RAB2A: variants seen among roughly 807,000 people sequenced by gnomAD.
RAB2A encodes ras-related protein Rab-2A.
In RAB2A, 7 loss-of-function variants were observed where a neutral mutation model predicts 32.5. That is an observed-to-expected ratio of 0.22 (90% CI 0.12 to 0.40). The LOEUF (loss-of-function observed/expected upper bound fraction) is 0.40, where lower values mean the gene tolerates loss of function less well. RAB2A is among the 10% of genes least tolerant of loss of function. The pLI is 1.00. For missense variants in RAB2A, 108 were observed against 260.7 expected (o/e 0.41, Z 4.03); for synonymous variants, 79 against 85.2 (o/e 0.93, Z 0.40).
chr8:60,578,488 G>T (rs971547145), intron 3 of RAB2A, among the ~76,000 whole-genome samples: 2 of 152,146 alleles, frequency 1.3e-5, no homozygotes, highest in Non-Finnish European at 1.5e-5. Context: ...TTCAGGCAAG[G>T]AGTTAAGCAG....
intron 1 of RAB2A, among the ~76,000 whole-genome samples, chr8:60,545,392 C>G (rs1807712258): frequency 6.6e-6 from 1 of 152,114 alleles, no homozygotes. Flanking sequence ...CTCCTGAACT[C>G]AGGTGATCCT....
At chr8:60,591,252 A>G (rs1031727754) in intron 5 of RAB2A, among the ~76,000 whole-genome samples, 6 of 151,606 alleles carry the variant, frequency 4.0e-5, no homozygotes, top group Admixed American at 2.0e-4. Context: ...GGAAATTTCT[A>G]GCTTACACTT....
chr8:60,541,101 T>G (rs530886635), intron 1 of RAB2A, among the ~76,000 whole-genome samples: 6 of 152,298 alleles, frequency 3.9e-5, no homozygotes, highest in South Asian at 2.1e-4. Context: ...ACCCTTGATA[T>G]GATGTGATGA....
intron 6 of RAB2A, among the ~76,000 whole-genome samples, chr8:60,592,898 C>T (rs1401802515): frequency 6.6e-6 from 1 of 152,082 alleles, no homozygotes; most frequent in Non-Finnish European, 1.5e-5. Context: ...ATAAGAACAG[C>T]TTATAAGAGC....
chr8:60,594,276 C>T (rs1803987727), intron 6 of RAB2A, among the ~76,000 whole-genome samples: 1 of 152,094 alleles, frequency 6.6e-6, no homozygotes, highest in Non-Finnish European at 1.5e-5. Context: ...AGATTGAAGA[C>T]AGCCCCAAAG....
At chr8:60,602,293 A>C (rs1804147392) in intron 6 of RAB2A, among the ~76,000 whole-genome samples, 2 of 152,154 alleles carry the variant, frequency 1.3e-5, no homozygotes, top group Non-Finnish European at 2.9e-5. Flanking sequence ...CTTATATCCC[A>C]TTTGTTGAGC....
intron 2 of RAB2A, among the ~76,000 whole-genome samples, chr8:60,564,299 G>T (rs910922754): frequency 1.3e-5 from 2 of 152,126 alleles, no homozygotes; most frequent in Non-Finnish European, 2.9e-5. Flanking sequence ...CTTTCCCTTG[G>T]TGCTGTGGGT....
At chr8:60,610,319 A>G (rs1804320876) in intron 6 of RAB2A, among the ~76,000 whole-genome samples, 1 of 152,218 alleles carries the variant, frequency 6.6e-6, no homozygotes. Flanking sequence ...GTAACTAGGA[A>G]GACTACCAGT....
intron 3 of RAB2A, among the ~76,000 whole-genome samples, chr8:60,582,387 T>C (rs1484492463): frequency 1.3e-5 from 2 of 152,200 alleles, no homozygotes; most frequent in Admixed American, 1.3e-4. Flanking sequence ...ATTTTCCACA[T>C]AGGAGAAGTT....
intron 3 of RAB2A, among the ~76,000 whole-genome samples, chr8:60,574,715 G>A (rs1808244620): frequency 6.6e-6 from 1 of 151,962 alleles, no homozygotes. Context: ...GTTTTTTGTG[G>A]GTTTTCTTGT....
At chr8:60,588,811 G>A (rs1803888095) in intron 5 of RAB2A, among the ~76,000 whole-genome samples, 1 of 152,144 alleles carries the variant, frequency 6.6e-6, no homozygotes, top group African/African-American at 2.4e-5. Flanking sequence ...CCTCAAAAAA[G>A]CTATAATGTA....
At chr8:60,571,411 T>G (rs1193031007) in intron 2 of RAB2A, among the ~76,000 whole-genome samples, 4 of 152,210 alleles carry the variant, frequency 2.6e-5, no homozygotes, top group Non-Finnish European at 5.9e-5. Flanking sequence ...GTTTATTGAT[T>G]TGCCAGGATG....
intron 1 of RAB2A, among the ~76,000 whole-genome samples, chr8:60,539,769 A>G (rs1443205879): frequency 6.6e-6 from 1 of 152,168 alleles, no homozygotes; most frequent in Non-Finnish European, 1.5e-5. Context: ...GGAAAATCAT[A>G]GGGTACAATA....
At chr8:60,620,412 C>T (rs1441625319) in intron 7 of RAB2A, among the ~76,000 whole-genome samples, 3 of 152,178 alleles carry the variant, frequency 2.0e-5, no homozygotes, top group African/African-American at 7.2e-5. Context: ...ATGAGAATTT[C>T]CTGAAAAGCA....
At chr8:60,537,283 G>A (rs138443273) in intron 1 of RAB2A, among the ~76,000 whole-genome samples, 8 of 151,930 alleles carry the variant, frequency 5.3e-5, no homozygotes, top group East Asian at 1.9e-4. Flanking sequence ...GTCTAATGGC[G>A]TGCTCTCAGC....
At chr8:60,547,376 A>G (rs76902112) in intron 1 of RAB2A, among the ~76,000 whole-genome samples, 1 of 152,052 alleles carries the variant, frequency 6.6e-6, no homozygotes, top group Non-Finnish European at 1.5e-5. Context: ...CAAAACCGCC[A>G]TTGTCATCAT....
chr8:60,569,400 T>A (rs973286109), intron 2 of RAB2A, among the ~76,000 whole-genome samples: 1 of 152,230 alleles, frequency 6.6e-6, no homozygotes, highest in Non-Finnish European at 1.5e-5. Flanking sequence ...TTAGAAACAT[T>A]CTTGATGTTT....
At chr8:60,532,102 G>T (rs1378922290) in intron 1 of RAB2A, among the ~76,000 whole-genome samples, 2 of 152,170 alleles carry the variant, frequency 1.3e-5, no homozygotes, top group African/African-American at 4.8e-5. Context: ...ACCGTGCCCA[G>T]CCTACCTTGA....
chr8:60,526,473 T>C (rs1807391331), intron 1 of RAB2A, among the ~76,000 whole-genome samples: 1 of 152,190 alleles, frequency 6.6e-6, no homozygotes, highest in Non-Finnish European at 1.5e-5. Flanking sequence ...TAAGGACTCA[T>C]GTGATTAGAT....
Sources: gnomAD v4.1 joint callset for allele counts (sites outside exome capture counted in the v4.1 genomes callset) on GRCh38, gnomAD v4.1.1 for gene constraint, MANE v1.5 for transcripts, NCBI Gene and HGNC (gene_info 2026-07-23, HGNC 2026-07-21) for gene names.